OR51B5: variants seen among roughly 807,000 people sequenced by gnomAD.
OR51B5 encodes olfactory receptor family 51 subfamily B member 5, also known as olfactory receptor 51B5.
For synonymous variants in OR51B5, 186 were observed against 144.8 expected, an observed-to-expected ratio of 1.28 and a Z score of -2.04; for missense variants, 456 against 374.6, an observed-to-expected ratio of 1.22 and a Z score of -1.79.
At position 5,415,247 on chromosome 11, in the gene OR51B5, A is replaced by G. The variant is rs1411465833; in HGVS notation, n.85-68337T>C. Among the ~76,000 whole-genome samples, 11 of 151,330 alleles carry G rather than the reference A, an allele frequency of 7.3e-5. No homozygotes were observed. In the East Asian group the frequency reaches 1.4e-3, roughly 19 times the overall value. ...ACCAACGAGAACAAAGACACAACATACCAGAATCTCTGGGACACATTCAAA... is the reference window on the plus strand; with the variant it reads ...ACCAACGAGAACAAAGACACAACATGCCAGAATCTCTGGGACACATTCAAA... On this transcript the variant is annotated intron_variant and non_coding_transcript_variant, in intron 1 of 4. Transcript: ENST00000415970.
chr11:5,381,322 T>C (rs574939123), intron 1 of OR51B5, among the ~76,000 whole-genome samples: 1 of 152,338 alleles, frequency 6.6e-6, no homozygotes, highest in African/African-American at 2.4e-5. Flanking sequence ...AAGGCCTGAA[T>C]GCCTCACACT....
chr11:5,489,453 C>T (rs201010214), intron 1 of OR51B5: 6 of 1,613,928 alleles, frequency 3.7e-6, no homozygotes, highest in African/African-American at 2.7e-5. Flanking sequence ...CCCACATTGG[C>T]ATCATCCTGG....
chr11:5,469,509 T>C (rs1358638907), intron 1 of OR51B5: 1 of 152,112 alleles, frequency 6.6e-6, no homozygotes. Flanking sequence ...GAGTGGTTGA[T>C]ATCTAAAACT....
intron 1 of OR51B5, chr11:5,453,851 C>G (rs1443777560): frequency 6.2e-7 from 1 of 1,614,204 alleles, no homozygotes; most frequent in South Asian, 1.1e-5. Context: ...TGAGTTTTGA[C>G]CGCTATGTGG....
intron 1 of OR51B5, among the ~76,000 whole-genome samples, chr11:5,400,799 G>A (rs1178787611): frequency 1.3e-5 from 2 of 152,228 alleles, no homozygotes; most frequent in East Asian, 3.8e-4. Context: ...CCTTGACATA[G>A]AGGTGTGCTC....
chr11:5,422,156 T>A (rs2133760586), intron 1 of OR51B5: 1 of 1,372,904 alleles, frequency 7.3e-7, no homozygotes, highest in Admixed American at 2.1e-5. Context: ...TGTTTCTTTT[T>A]CTCCCTGAGT....
At chr11:5,361,140 T>A (rs1849278174) in intron 1 of OR51B5, among the ~76,000 whole-genome samples, 1 of 129,502 alleles carries the variant, frequency 7.7e-6, no homozygotes, top group African/African-American at 2.8e-5. Flanking sequence ...TAAAGTATAA[T>A]AATAAAAGAA....
chr11:5,358,116 G>A (rs1018724522), intron 1 of OR51B5, among the ~76,000 whole-genome samples: 2 of 151,658 alleles, frequency 1.3e-5, no homozygotes, highest in African/African-American at 4.8e-5. Flanking sequence ...TCAAATGCTA[G>A]CAGAAGGCAA....
intron 1 of OR51B5, among the ~76,000 whole-genome samples, chr11:5,415,645 C>T (rs1192783040): frequency 6.6e-6 from 1 of 152,164 alleles, no homozygotes; most frequent in East Asian, 1.9e-4. Flanking sequence ...ATACTACAAG[C>T]ACCTCTATGC....
chr11:5,399,792 A>G (rs12222084), intron 1 of OR51B5, among the ~76,000 whole-genome samples: 1 of 151,334 alleles, frequency 6.6e-6, no homozygotes. Context: ...AAGAAAGAAA[A>G]AAAAAGGAAG....
In OR51B5 at chr11:5,404,174, AG is replaced by A. The variant is rs1212757425; in HGVS notation, n.85-57265del. 7.5e-3 allele frequency among the ~76,000 whole-genome samples: 11 copies of A among 1,476 alleles called. No individual in the cohort carries two copies. In the East Asian group the frequency reaches 0.13, roughly 17 times the overall value. 1.0% of individuals were successfully genotyped at this position (1,476 alleles called of 152,430 possible). On this transcript the variant is annotated intron_variant and non_coding_transcript_variant, in intron 1 of 4. Coordinates refer to the OR51B5 transcript ENST00000415970. ...GGCGGGGGGAGGGGATGGGGCGGGG[AG>A]GGCGGGGGGCGGAACTTGAAGAACT... is the stretch of plus-strand genomic sequence containing the variant.
At chr11:5,412,032 T>C (rs1163947728) in intron 1 of OR51B5, among the ~76,000 whole-genome samples, 1 of 152,074 alleles carries the variant, frequency 6.6e-6, no homozygotes, top group Admixed American at 6.5e-5. Flanking sequence ...ACAAAAAATG[T>C]TGTTTTAAGC....
At chr11:5,477,321 G>T (rs449825) in intron 1 of OR51B5, among the ~76,000 whole-genome samples, 54 of 152,020 alleles carry the variant, frequency 3.6e-4, no homozygotes, top group Non-Finnish European at 7.2e-4. Flanking sequence ...TGAGCACAGA[G>T]GTGCACTTGG....
intron 1 of OR51B5, among the ~76,000 whole-genome samples, chr11:5,492,770 G>A (rs753333321): frequency 6.6e-6 from 1 of 152,080 alleles, no homozygotes; most frequent in Non-Finnish European, 1.5e-5. Context: ...CTGAGTAACT[G>A]GGATTACAGG....
intron 1 of OR51B5, among the ~76,000 whole-genome samples, chr11:5,435,087 A>G (rs1449247976): frequency 6.6e-6 from 1 of 152,212 alleles, no homozygotes; most frequent in Non-Finnish European, 1.5e-5. Flanking sequence ...TCAAAAGGCT[A>G]TATATTCAGT....
intron 1 of OR51B5, among the ~76,000 whole-genome samples, chr11:5,472,079 C>T (rs16931459): frequency 0.098 from 14,929 of 152,066 alleles, 773 homozygotes; most frequent in Middle Eastern, 0.14. Context: ...ATGAGTTAAT[C>T]GCACTGAGGC....
intron 1 of OR51B5, among the ~76,000 whole-genome samples, chr11:5,387,179 G>C (rs1849708118): frequency 6.6e-6 from 1 of 152,064 alleles, no homozygotes; most frequent in African/African-American, 2.4e-5. Context: ...GTGCATAGAA[G>C]CTATCACAAA....
intron 1 of OR51B5, among the ~76,000 whole-genome samples, chr11:5,476,853 A>G (rs1851314352): frequency 6.6e-6 from 1 of 152,086 alleles, no homozygotes; most frequent in Non-Finnish European, 1.5e-5. Context: ...TTAGATAGCT[A>G]ACTAGCTAGG....
chr11:5,417,178 A>G (rs1850256647), intron 1 of OR51B5, among the ~76,000 whole-genome samples: 2 of 152,106 alleles, frequency 1.3e-5, no homozygotes, highest in Admixed American at 1.3e-4. Context: ...GCAATGGGAA[A>G]GGATTCCCTA....
Sources: allele counts gnomAD v4.1 joint callset (sites outside exome capture counted in the v4.1 genomes callset), GRCh38; gene constraint gnomAD v4.1.1; transcripts MANE v1.5; gene names NCBI Gene and HGNC (gene_info 2026-07-23, HGNC 2026-07-21).